The following JAKMIP3 variants were observed in gnomAD, a reference collection of about 807,000 sequenced individuals.
JAKMIP3 encodes Janus kinase and microtubule interacting protein 3.
In JAKMIP3, 58 loss-of-function variants were observed where a neutral mutation model predicts 118.5. The ratio of observed to expected loss-of-function variants is 0.49; its 90% CI spans 0.40 to 0.61. The LOEUF is 0.61. Among genes scored for constraint, JAKMIP3 ranks in the 20% least tolerant of loss-of-function variants. JAKMIP3 has a pLI of 0.00. For synonymous variants in JAKMIP3, 486 were observed against 451.2 expected (o/e 1.08, Z -0.98); for missense variants, 950 against 1,109.0 (o/e 0.86, Z 2.04).
chr10:132,145,261 C>A, intron 12 of JAKMIP3, 71 bp downstream of exon 12: 1 of 1,267,770 alleles, frequency 7.9e-7, no homozygotes, highest in Non-Finnish European at 1.1e-6. Context: ...TACCTAAAGA[C>A]AAGCTTCAGT....
intron 9 of JAKMIP3, among the ~76,000 whole-genome samples, chr10:132,139,537 G>A (rs1001793360): frequency 4.0e-5 from 5 of 124,798 alleles, no homozygotes; most frequent in African/African-American, 1.3e-4. Flanking sequence ...TGGCTTGTAA[G>A]CTGTCAGCAG....
Position 132,131,840 on chromosome 10 carries a change from G to A in JAKMIP3, c.634-1472G>A, listed in dbSNP as rs1018734905. 2.2e-4 allele frequency among the ~76,000 whole-genome samples: 34 copies of A among 152,200 alleles called. No individual in the cohort carries two copies. In the East Asian group the frequency reaches 2.5e-3, roughly 11 times the overall value. On this transcript the variant is annotated intron_variant, in intron 3 of 23. Transcript: ENST00000684848. ...AGGTGGGACAGGAGACAGGTGTGCCGCCCCCCACCCACAGCCCCATGGGAA... is the reference window on the plus strand; with the variant it reads ...AGGTGGGACAGGAGACAGGTGTGCCACCCCCCACCCACAGCCCCATGGGAA...
intron 19 of JAKMIP3, among the ~76,000 whole-genome samples, chr10:132,159,745 G>A (rs2057755377): frequency 5.2e-5 from 4 of 77,072 alleles, no homozygotes; most frequent in Non-Finnish European, 1.0e-4. Context: ...TGTGATACTG[G>A]GGGGGCCTCT....
chr10:132,154,613 C>T (rs923114900), intron 19 of JAKMIP3, among the ~76,000 whole-genome samples: 2 of 152,220 alleles, frequency 1.3e-5, no homozygotes, highest in African/African-American at 4.8e-5. Flanking sequence ...CAAGTGTCAC[C>T]ACCAAGAGGT....
At chr10:132,129,879 T>TA in intron 3 of JAKMIP3, among the ~76,000 whole-genome samples, 1 of 151,214 alleles carries the variant, frequency 6.6e-6, no homozygotes, top group African/African-American at 2.4e-5. Context: ...CAGTACCTTT[T>TA]TTTTTTTTTT....
chr10:132,122,390 C>T (rs540365673), intron 3 of JAKMIP3, among the ~76,000 whole-genome samples: 1 of 152,384 alleles, frequency 6.6e-6, no homozygotes, highest in East Asian at 1.9e-4. Context: ...GTCTTCTGGG[C>T]CGAGGCTCCT....
intron 15 of JAKMIP3, 81 bp downstream of exon 15, chr10:132,149,591 C>T: frequency 2.9e-6 from 1 of 344,676 alleles, no homozygotes; most frequent in Non-Finnish European, 4.8e-6. Flanking sequence ...CGCCCCACCC[C>T]CCTCCGCCCC....
Position 132,137,344 on chromosome 10 carries a change from G to C in JAKMIP3, c.1284+55G>C, listed in dbSNP as rs374042659. On this transcript the variant is annotated intron_variant, in intron 8 of 23. Coordinates refer to ENST00000684848, the MANE Select transcript of JAKMIP3 (RefSeq NM_001323087.2). Reference sequence around the variant, plus strand: ...GCCTCCGCTCCCCACGCAGTTGCCCGTGGGACCCATTCTGTGCCCAGGGCT... The same window carrying C: ...GCCTCCGCTCCCCACGCAGTTGCCCCTGGGACCCATTCTGTGCCCAGGGCT... The C allele has an allele frequency of 9.4e-6, 15 of 1,603,874 alleles. No homozygotes were observed. In the African/African-American group the frequency reaches 2.0e-4, roughly 21 times the overall value.
chr10:132,167,833 T>C, intron 22 of JAKMIP3, 120 bp from the exon 23 acceptor site: 1 of 565,302 alleles, frequency 1.8e-6, no homozygotes. Context: ...CCCTCACCCC[T>C]CGGCCCTCGC....
Position 132,145,537 on chromosome 10 carries a change from A to G in JAKMIP3, c.1706A>G (p.Glu569Gly). 6.4e-7 allele frequency: 1 copy of G among 1,563,106 alleles called. No homozygotes were observed. Among genetic ancestry groups the G allele is most frequent in the Non-Finnish European group, 8.7e-7 (1 of 1,153,614 alleles). The change falls in exon 13 of 24, where the codon GAG becomes GGG. Residue 569 changes from glutamate to glycine, a missense_variant. Physicochemically the swap from Glu to Gly is moderately conservative, Grantham distance 98. Transcript: ENST00000684848. ...TGCAAGGATATGAAGTGGATTGAAG[A>G]GAAGCAGGCACTGTACCGGAGAAAT... ...EQGQDMKWIE[E>G]KQALYRRNQE...
At chr10:132,100,521 C>G (rs187983275) in intron 1 of JAKMIP3, among the ~76,000 whole-genome samples, 27 of 152,330 alleles carry the variant, frequency 1.8e-4, no homozygotes, top group African/African-American at 6.3e-4. Context: ...GGATGATTCT[C>G]TGCACCCTGG....
At chr10:132,181,845 C>T (rs2061519782) in intron 23 of JAKMIP3, among the ~76,000 whole-genome samples, 1 of 152,164 alleles carries the variant, frequency 6.6e-6, no homozygotes, top group South Asian at 2.1e-4. Flanking sequence ...TCCCAGCGTG[C>T]CCTCGCTCCC....
At chr10:132,148,401 C>T (rs2055087390) in intron 14 of JAKMIP3, among the ~76,000 whole-genome samples, 2 of 152,190 alleles carry the variant, frequency 1.3e-5, no homozygotes, top group Admixed American at 1.3e-4. Flanking sequence ...GGTGACAGTG[C>T]AGCATCTGCT....
rs1343608315 is a variant in JAKMIP3 at position 132,180,734 on chromosome 10, T to TGC, written c.*1104-1622_*1104-1621insCG. On this transcript the variant is annotated intron_variant, in intron 23 of 23. Transcript: ENST00000684848. ...GCGTGTGTGTGCGTGTGTGTGCGTGTGTGCGTGCGTGCGCGCGCGTGTGTG... is the reference window on the plus strand; with the variant it reads ...GCGTGTGTGTGCGTGTGTGTGCGTGTGCGTGCGTGCGTGCGCGCGCGTGTGTG... Among the ~76,000 whole-genome samples, 23 of 12,652 alleles carry TGC rather than the reference T, an allele frequency of 1.8e-3. 2 individuals carry two copies. The highest frequency in any genetic ancestry group is 0.036 in the Middle Eastern group (1 of 28). 8.3% of individuals were successfully genotyped at this position (12,652 alleles called of 152,430 possible). A position where few individuals can be genotyped will look rare whatever the true frequency, so the allele number is the denominator to read the frequency against.
intron 16 of JAKMIP3, 109 bp downstream of exon 16, chr10:132,150,150 A>C: frequency 1.2e-6 from 1 of 815,686 alleles, no homozygotes. Flanking sequence ...GCCATGGGCC[A>C]CCCTGCCTGA....
intron 1 of JAKMIP3, among the ~76,000 whole-genome samples, chr10:132,045,694 C>T (rs1418525010): frequency 6.6e-6 from 1 of 151,942 alleles, no homozygotes; most frequent in Non-Finnish European, 1.5e-5. Context: ...TTTGGGAGAC[C>T]GAGGCAGGAG....
At position 132,135,180 on chromosome 10, in the gene JAKMIP3, T is replaced by TCTGGCTC; in HGVS notation, c.969+25_969+31dup. 6.3e-7 allele frequency: 1 copy of TCTGGCTC among 1,588,178 alleles called. No homozygotes were observed. The highest frequency in any genetic ancestry group is 8.6e-7 in the Non-Finnish European group (1 of 1,162,042). On this transcript the variant is annotated intron_variant, in intron 5 of 23. Coordinates refer to ENST00000684848, the MANE Select transcript of JAKMIP3 (RefSeq NM_001323087.2). ...GAGCTGGTGAGCGCGGGCGGGGGCT[T>TCTGGCTC]CTGGCTCCTGGGGGTTTGTGACTGC...
rs1564991224 is a variant in JAKMIP3 at position 132,164,746 on chromosome 10, T to C, written c.2490+11T>C. On this transcript the variant is annotated intron_variant, in intron 21 of 23. Transcript: ENST00000684848. ...GAACTGGAGGAAAAGGTAAAACAAA[T>C]GCAGTTTTGGGGGTTGCTTGTTAAG... 1 of 1,592,548 alleles carries C rather than the reference T, an allele frequency of 6.3e-7. No individual in the cohort carries two copies. Among genetic ancestry groups the C allele is most frequent in the Non-Finnish European group, 8.6e-7 (1 of 1,160,722 alleles).
chr10:132,136,536 C>A (rs1589906493), intron 6 of JAKMIP3, among the ~76,000 whole-genome samples: 1 of 152,236 alleles, frequency 6.6e-6, no homozygotes, highest in Non-Finnish European at 1.5e-5. Context: ...TCACCACGTT[C>A]CCCTGCCCTG....
Sources: allele counts gnomAD v4.1 joint callset (sites outside exome capture counted in the v4.1 genomes callset), GRCh38; gene constraint gnomAD v4.1.1; transcripts MANE v1.5; gene names NCBI Gene and HGNC (gene_info 2026-07-23, HGNC 2026-07-21).